Variants in KCNH5 observed in about 807,000 individuals in gnomAD.
The protein encoded by KCNH5 is potassium voltage-gated channel subfamily H member 5, also known as voltage-gated delayed rectifier potassium channel KCNH5.
Under a neutral mutation model 96.1 loss-of-function variants are expected in KCNH5, and 46 were observed. The ratio of observed to expected loss-of-function variants is 0.48; its 90% CI spans 0.38 to 0.61. The LOEUF is 0.61. Among genes scored for constraint, KCNH5 ranks in the 20% least tolerant of loss-of-function variants. The probability of loss-of-function intolerance (pLI) is 0.00; values close to 1 mark genes in which losing one functional copy is unlikely to be tolerated. For synonymous variants in KCNH5, 439 were observed against 449.8 expected, an observed-to-expected ratio of 0.98 and a Z score of 0.30; for missense variants, 907 against 1,225.8, an observed-to-expected ratio of 0.74 and a Z score of 3.88.
chr14:62,975,814 A>G (rs1392528460), intron 6 of KCNH5, among the ~76,000 whole-genome samples: 1 of 152,184 alleles, frequency 6.6e-6, no homozygotes, highest in East Asian at 1.9e-4. Flanking sequence ...AAGATGTACT[A>G]AGTAAATCAA....
At chr14:62,818,004 G>A (rs1887028291) in intron 8 of KCNH5, among the ~76,000 whole-genome samples, 1 of 146,696 alleles carries the variant, frequency 6.8e-6, no homozygotes, top group Non-Finnish European at 1.5e-5. Flanking sequence ...AGTGAAATAA[G>A]CCAGATGAAT....
At chr14:62,731,950 C>T (rs577825150) in intron 10 of KCNH5, among the ~76,000 whole-genome samples, 40 of 152,302 alleles carry the variant, frequency 2.6e-4, no homozygotes, top group African/African-American at 9.4e-4. Flanking sequence ...ATTCCTCAGC[C>T]ACACACAAGG....
chr14:63,015,862 C>A (rs1891317948), intron 2 of KCNH5, among the ~76,000 whole-genome samples: 1 of 151,692 alleles, frequency 6.6e-6, no homozygotes, highest in South Asian at 2.1e-4. Flanking sequence ...CTATAAGTGA[C>A]CCACACTGTT....
intron 8 of KCNH5, among the ~76,000 whole-genome samples, chr14:62,848,944 T>C (rs78965222): frequency 0.014 from 2,189 of 152,314 alleles, 57 homozygotes; most frequent in African/African-American, 0.05. Context: ...TCTTCTGTAT[T>C]TGATGTGAAT....
chr14:62,903,435 T>C (rs1888968106), intron 7 of KCNH5, among the ~76,000 whole-genome samples: 1 of 152,192 alleles, frequency 6.6e-6, no homozygotes, highest in Admixed American at 6.5e-5. Flanking sequence ...AAGGAACACA[T>C]ACTATTCTCA....
At chr14:62,853,431 TCATTTCC>T (rs1414421646) in intron 7 of KCNH5, among the ~76,000 whole-genome samples, 2 of 124,646 alleles carry the variant, frequency 1.6e-5, no homozygotes, top group Non-Finnish European at 3.2e-5. Flanking sequence ...CACCACAAAA[TCATTTCC>T]CAAACAAAAA....
chr14:62,784,153 C>A (rs549466549), intron 9 of KCNH5, among the ~76,000 whole-genome samples: 3 of 152,264 alleles, frequency 2.0e-5, no homozygotes, highest in Non-Finnish European at 4.4e-5. Context: ...ACATGAGGAG[C>A]AAAGTCACGT....
intron 1 of KCNH5, among the ~76,000 whole-genome samples, chr14:63,029,087 A>C (rs1196941243): frequency 6.6e-6 from 1 of 152,138 alleles, no homozygotes; most frequent in Non-Finnish European, 1.5e-5. Flanking sequence ...TTTTAACTAT[A>C]TGCACTCTGA....
chr14:63,003,409 A>G (rs2139593416), intron 3 of KCNH5, among the ~76,000 whole-genome samples: 1 of 136,208 alleles, frequency 7.3e-6, no homozygotes, highest in South Asian at 2.3e-4. Flanking sequence ...CTCGGCTATC[A>G]GTTCTGCATT....
chr14:62,813,183 A>C (rs1886906682), intron 8 of KCNH5, among the ~76,000 whole-genome samples: 1 of 152,182 alleles, frequency 6.6e-6, no homozygotes, highest in Non-Finnish European at 1.5e-5. Flanking sequence ...GTATGAGAGT[A>C]TGTTGCATGT....
intron 10 of KCNH5, among the ~76,000 whole-genome samples, chr14:62,728,594 T>A (rs368367826): frequency 3.3e-5 from 5 of 152,174 alleles, no homozygotes; most frequent in South Asian, 2.1e-4. Context: ...TGAAATGCTT[T>A]GGTAAGAGCA....
chr14:62,733,747 T>C (rs1255628707), intron 10 of KCNH5, among the ~76,000 whole-genome samples: 2 of 152,164 alleles, frequency 1.3e-5, no homozygotes, highest in East Asian at 1.9e-4. Context: ...TTTGACACTA[T>C]TGGCCACTTT....
chr14:62,949,855 G>T (rs1362683405), intron 7 of KCNH5: 3 of 205,088 alleles, frequency 1.5e-5, no homozygotes, highest in Admixed American at 6.2e-5. Context: ...TATGGAATGT[G>T]CGAAACGCCA....
At chr14:62,868,517 A>G (rs1888182668) in intron 7 of KCNH5, among the ~76,000 whole-genome samples, 1 of 152,028 alleles carries the variant, frequency 6.6e-6, no homozygotes, top group Non-Finnish European at 1.5e-5. Flanking sequence ...TCTGTTTCTG[A>G]GCAATTATCA....
At chr14:62,872,452 A>T (rs965238294) in intron 7 of KCNH5, among the ~76,000 whole-genome samples, 2 of 152,190 alleles carry the variant, frequency 1.3e-5, no homozygotes, top group African/African-American at 4.8e-5. Flanking sequence ...GGACTTTGGG[A>T]GGCTGAGGCG....
chr14:62,948,658 A>G (rs1049932789), intron 7 of KCNH5, among the ~76,000 whole-genome samples: 14 of 151,216 alleles, frequency 9.3e-5, no homozygotes, highest in African/African-American at 3.2e-4. Context: ...AACTAATTTT[A>G]TGAGGCCAGC....
chr14:62,770,370 CATT>C (rs2139965254), intron 10 of KCNH5, among the ~76,000 whole-genome samples: 1 of 152,276 alleles, frequency 6.6e-6, no homozygotes, highest in South Asian at 2.1e-4. Flanking sequence ...GAAAGAAAAG[CATT>C]ATTGAGTTCT....
Position 62,984,926 on chromosome 14 carries a change from A to T in KCNH5, c.549+2146T>A, listed in dbSNP as rs191620779. 4.5e-4 allele frequency among the ~76,000 whole-genome samples: 68 copies of T among 152,254 alleles called. 1 individual carries two copies. The highest frequency in any genetic ancestry group is 7.5e-4 in the Non-Finnish European group (51 of 68,012). The stretch of plus-strand genomic sequence containing the variant: ...ATTGTCTTCTCTATGGCCCCCTTTC[A>T]CTTGTTGTCGCTCTGTTGTGTAACA... On this transcript the variant is annotated intron_variant, in intron 5 of 10. Coordinates refer to ENST00000322893, the MANE Select transcript of KCNH5 (RefSeq NM_139318.5).
chr14:62,878,540 G>A (rs915665548), intron 7 of KCNH5, among the ~76,000 whole-genome samples: 4 of 152,064 alleles, frequency 2.6e-5, no homozygotes, highest in Middle Eastern at 3.4e-3. Flanking sequence ...AGTCTGAGGC[G>A]AGGAGGGCAA....
Sources: allele counts gnomAD v4.1 joint callset (sites outside exome capture counted in the v4.1 genomes callset), GRCh38; gene constraint gnomAD v4.1.1; transcripts MANE v1.5; gene names NCBI Gene and HGNC (gene_info 2026-07-23, HGNC 2026-07-21).